Variants in TECPR2 observed in about 807,000 individuals in gnomAD.
The protein encoded by TECPR2 is tectonin beta-propeller repeat containing 2.
A neutral mutation model predicts 138.1 loss-of-function variants in TECPR2; 65 were observed. The ratio of observed to expected loss-of-function variants is 0.47; its 90% CI spans 0.39 to 0.58. The LOEUF is 0.58. Ranked by LOEUF, TECPR2 falls within the 20% of genes least tolerant of loss-of-function variation. The pLI, the probability that TECPR2 is intolerant of heterozygous loss-of-function variation, is 0.00. For synonymous variants in TECPR2, 746 were observed against 749.8 expected, an observed-to-expected ratio of 0.99 and a Z score of 0.08; for missense variants, 1,553 against 1,824.5, an observed-to-expected ratio of 0.85 and a Z score of 2.71.
At position 102,425,234 on chromosome 14, in the gene TECPR2, A is replaced by G. The variant is rs749405948; in HGVS notation, c.894A>G (p.Glu298=). 1 of 1,613,882 alleles carries G rather than the reference A, an allele frequency of 6.2e-7. No homozygotes were observed. The highest frequency in any genetic ancestry group is 8.5e-7 in the Non-Finnish European group (1 of 1,179,788). The change falls in exon 6 of 20, where the codon GAA becomes GAG. Residue 298 remains glutamate, a synonymous_variant. Transcript: ENST00000359520. ...GGCTTGTTTCATGTTTCTTTCAAGAAGGCTGGGTGCTGAGTTGGAATGAAT... is the reference window on the plus strand; with the variant it reads ...GGCTTGTTTCATGTTTCTTTCAAGAGGGCTGGGTGCTGAGTTGGAATGAAT... The part of the protein sequence containing the change: ...HLGLVSCFFQ[E]GWVLSWNEYS...
intron 5 of TECPR2, 105 bp from the exon 6 acceptor site, chr14:102,424,874 A>G: frequency 8.6e-7 from 1 of 1,165,878 alleles, no homozygotes; most frequent in Non-Finnish European, 1.2e-6. Context: ...TTATTGTCTT[A>G]GCCAAAAAAT....
intron 5 of TECPR2, among the ~76,000 whole-genome samples, chr14:102,416,460 T>G (rs1456277647): frequency 6.6e-6 from 1 of 152,208 alleles, no homozygotes; most frequent in African/African-American, 2.4e-5. Flanking sequence ...ATCTGGCCTT[T>G]TTATATCTGC....
At position 102,425,186 on chromosome 14, in the gene TECPR2, C is replaced by G; in HGVS notation, c.846C>G (p.Cys282Trp). The G allele has an allele frequency of 6.2e-7, 1 of 1,614,134 alleles. No individual in the cohort carries two copies. Among genetic ancestry groups the G allele is most frequent in the Non-Finnish European group, 8.5e-7 (1 of 1,180,018 alleles). The change falls in exon 6 of 20, where the codon TGC becomes TGG. Residue 282 changes from cysteine (C) to tryptophan (W), a missense_variant. By Grantham distance (215) the Cys-to-Trp change is radical. Coordinates refer to ENST00000359520, the MANE Select transcript of TECPR2 (RefSeq NM_014844.5). ...PRLESPNSGS[C>W]SLPERHLGLV... ...TGGAATCCCCCAACAGTGGAAGTTG[C>G]AGCTTACCTGAGAGGCACCTGGGGC... is the stretch of plus-strand genomic sequence containing the variant.
chr14:102,481,366 C>G (rs1163059238), intron 17 of TECPR2, among the ~76,000 whole-genome samples: 1 of 152,180 alleles, frequency 6.6e-6, no homozygotes, highest in Non-Finnish European at 1.5e-5. Context: ...CCAGGCTGGT[C>G]TGGAACTCCT....
chr14:102,436,473 C>T (rs1334037365), intron 9 of TECPR2, among the ~76,000 whole-genome samples: 1 of 152,242 alleles, frequency 6.6e-6, no homozygotes, highest in East Asian at 1.9e-4. Flanking sequence ...GCATGTGCCA[C>T]CATGCCCAGC....
intron 16 of TECPR2, among the ~76,000 whole-genome samples, chr14:102,461,674 A>G (rs1890414883): frequency 6.6e-6 from 1 of 152,214 alleles, no homozygotes; most frequent in Admixed American, 6.5e-5. Flanking sequence ...CTGGCCCTGC[A>G]TCTGTCCTCT....
intron 4 of TECPR2, among the ~76,000 whole-genome samples, chr14:102,414,339 G>A (rs971370102): frequency 6.6e-6 from 1 of 152,190 alleles, no homozygotes; most frequent in Non-Finnish European, 1.5e-5. Flanking sequence ...CTGCTATGGT[G>A]CACAGTAAAG....
At chr14:102,394,297 C>T (rs770473049) in intron 2 of TECPR2, among the ~76,000 whole-genome samples, 4 of 152,170 alleles carry the variant, frequency 2.6e-5, no homozygotes, top group Non-Finnish European at 5.9e-5. Context: ...TTGATTTTCA[C>T]TAGCTTTGTA....
At chr14:102,413,617 G>A (rs953098678) in intron 4 of TECPR2, among the ~76,000 whole-genome samples, 4 of 151,190 alleles carry the variant, frequency 2.6e-5, no homozygotes, top group African/African-American at 7.3e-5. Flanking sequence ...GACCTCAAAC[G>A]ATCCACCCAC....
intron 5 of TECPR2, among the ~76,000 whole-genome samples, chr14:102,421,104 A>G (rs1022239837): frequency 6.6e-6 from 1 of 152,248 alleles, no homozygotes; most frequent in Non-Finnish European, 1.5e-5. Flanking sequence ...CTTTAGTTAC[A>G]TAAGATGAAC....
At chr14:102,483,116 G>T (rs987690729) in intron 17 of TECPR2, among the ~76,000 whole-genome samples, 2 of 152,004 alleles carry the variant, frequency 1.3e-5, no homozygotes, top group African/African-American at 2.4e-5. Flanking sequence ...CTCTCAAAGT[G>T]CTGGAATTAC....
intron 6 of TECPR2, among the ~76,000 whole-genome samples, chr14:102,426,361 T>C (rs1889321719): frequency 6.6e-6 from 1 of 152,130 alleles, no homozygotes; most frequent in Admixed American, 6.5e-5. Flanking sequence ...AACAAAGCTG[T>C]TTAGTTTCAG....
chr14:102,455,851 G>A (rs1479550927), intron 16 of TECPR2, among the ~76,000 whole-genome samples: 2 of 152,216 alleles, frequency 1.3e-5, no homozygotes, highest in Non-Finnish European at 2.9e-5. Flanking sequence ...GACCTCAGGT[G>A]GTCCGCCTGC....
Position 102,457,068 on chromosome 14 carries a change from C to T in TECPR2, c.3640+4441C>T, listed in dbSNP as rs1567350737. Among the ~76,000 whole-genome samples, 4 of 152,118 alleles carry T rather than the reference C, an allele frequency of 2.6e-5. No individual in the cohort carries two copies. In the East Asian group the frequency reaches 7.8e-4, roughly 29 times the overall value. On this transcript the variant is annotated intron_variant, in intron 16 of 19. Coordinates refer to ENST00000359520, the MANE Select transcript of TECPR2 (RefSeq NM_014844.5). ...TATGGTCTGTGTCCTGCAGGAAAAG[C>T]AGGTAGGTCAAGAGACTTCTCTTTT...
intron 2 of TECPR2, among the ~76,000 whole-genome samples, chr14:102,406,944 C>T (rs766448060): frequency 1.1e-4 from 17 of 152,154 alleles, no homozygotes; most frequent in Non-Finnish European, 1.3e-4. Context: ...CTGCAACCTC[C>T]GCCTCCTGGG....
At chr14:102,477,318 C>T (rs908175820) in intron 17 of TECPR2, among the ~76,000 whole-genome samples, 9 of 150,496 alleles carry the variant, frequency 6.0e-5, no homozygotes, top group African/African-American at 4.9e-5. Context: ...TGTGGTGAAC[C>T]GTGATGACGC....
intron 11 of TECPR2, among the ~76,000 whole-genome samples, chr14:102,442,442 C>A (rs1347847826): frequency 6.6e-6 from 1 of 152,248 alleles, no homozygotes. Context: ...AGCCTAGTTC[C>A]TGTGTCTTTC....
chr14:102,499,381 A>C lies in TECPR2; in HGVS notation c.*1124A>C, dbSNP rs538700987. The stretch of plus-strand genomic sequence containing the variant: ...ATTTCAAATCAAATCTTACAAATTT[A>C]GAAGAGAGATATGTTTTCCGAAAAC... On this transcript the variant is annotated 3_prime_UTR_variant, in exon 20 of 20. Coordinates refer to ENST00000359520, the MANE Select transcript of TECPR2 (RefSeq NM_014844.5). 4.2e-5 allele frequency: 25 copies of C among 600,918 alleles called. No individual in the cohort carries two copies. In the South Asian group the frequency reaches 4.4e-4, roughly 11 times the overall value. The allele number at this position is 600,918 out of a possible 1,614,324, so 37.2% of individuals were successfully genotyped here. A position where few individuals can be genotyped will look rare whatever the true frequency, so the allele number is the denominator to read the frequency against.
At chr14:102,473,165 C>T (rs1256425193) in intron 17 of TECPR2, among the ~76,000 whole-genome samples, 1 of 152,258 alleles carries the variant, frequency 6.6e-6, no homozygotes, top group Non-Finnish European at 1.5e-5. Flanking sequence ...CTCTGCCTCT[C>T]CTGTGGCTCT....
Sources: gnomAD v4.1 joint callset for allele counts (sites outside exome capture counted in the v4.1 genomes callset) on GRCh38, gnomAD v4.1.1 for gene constraint, MANE v1.5 for transcripts, NCBI Gene and HGNC (gene_info 2026-07-23, HGNC 2026-07-21) for gene names.